The following NCAM1 variants were observed in gnomAD, a reference collection of about 807,000 sequenced individuals.
NCAM1 encodes the protein neural cell adhesion molecule 1, also known as antigen recognized by monoclonal antibody 5.1H11.
In NCAM1, 14 loss-of-function variants were observed where a neutral mutation model predicts 109.8. The observed-to-expected ratio is 0.13, with a 90% confidence interval of 0.08 to 0.20. The LOEUF (loss-of-function observed/expected upper bound fraction) is 0.20, where lower values mean the gene tolerates loss of function less well. Ranked by LOEUF, NCAM1 falls within the 10% of genes least tolerant of loss-of-function variation. The pLI is 1.00. For missense variants in NCAM1, 774 were observed against 1,109.9 expected (o/e 0.70, Z 4.30); for synonymous variants, 418 against 442.9 (o/e 0.94, Z 0.70).
chr11:113,232,878 A>G (rs1945051303), intron 12 of NCAM1, 64 bp downstream of exon 12: 2 of 1,389,088 alleles, frequency 1.4e-6, no homozygotes, highest in South Asian at 1.2e-5. Context: ...TGCCAGCCCA[A>G]TTTGTGTACT....
intron 1 of NCAM1, among the ~76,000 whole-genome samples, chr11:113,054,946 G>A (rs1033302008): frequency 6.6e-6 from 1 of 152,146 alleles, no homozygotes; most frequent in East Asian, 1.9e-4. Context: ...TGACCCCTGT[G>A]TCATTGGCCA....
chr11:113,146,648 C>T (rs1195048671), intron 1 of NCAM1, among the ~76,000 whole-genome samples: 2 of 152,174 alleles, frequency 1.3e-5, no homozygotes, highest in Non-Finnish European at 2.9e-5. Flanking sequence ...ATGGAATTTG[C>T]TTCTAGTGAA....
At chr11:112,969,491 G>A (rs1950819697) in intron 1 of NCAM1, among the ~76,000 whole-genome samples, 1 of 152,100 alleles carries the variant, frequency 6.6e-6, no homozygotes, top group Non-Finnish European at 1.5e-5. Flanking sequence ...GAGGAGTGAT[G>A]GGGAGGAAGG....
intron 1 of NCAM1, among the ~76,000 whole-genome samples, chr11:113,072,733 C>T (rs937228463): frequency 3.4e-5 from 5 of 145,490 alleles, no homozygotes; most frequent in African/African-American, 5.0e-5. Flanking sequence ...CTAGAGTCAT[C>T]TTTTTTTTTT....
At chr11:113,237,937 G>T (rs5009296) in intron 14 of NCAM1, among the ~76,000 whole-genome samples, 42 of 143,198 alleles carry the variant, frequency 2.9e-4, no homozygotes, top group South Asian at 8.7e-4. Flanking sequence ...TAGATATATA[G>T]ATATATATAT....
chr11:113,225,120 C>T (rs1260244822), intron 9 of NCAM1, among the ~76,000 whole-genome samples: 4 of 152,034 alleles, frequency 2.6e-5, no homozygotes, highest in Admixed American at 6.6e-5. Flanking sequence ...AGGCTTCAGA[C>T]GATCAAACTT....
At chr11:113,203,223 G>T (rs183960024) in intron 2 of NCAM1, among the ~76,000 whole-genome samples, 25 of 152,338 alleles carry the variant, frequency 1.6e-4, no homozygotes, top group Admixed American at 1.2e-3. Flanking sequence ...TGGCAGGGAG[G>T]GGCCTTTAAA....
At chr11:113,117,300 G>C (rs1472790862) in intron 1 of NCAM1, among the ~76,000 whole-genome samples, 1 of 151,874 alleles carries the variant, frequency 6.6e-6, no homozygotes, top group Admixed American at 6.6e-5. Flanking sequence ...TCCACTGCAG[G>C]GGTCTTCAGA....
intron 1 of NCAM1, among the ~76,000 whole-genome samples, chr11:113,024,200 CA>C (rs1952475006): frequency 6.6e-6 from 1 of 152,104 alleles, no homozygotes; most frequent in African/African-American, 2.4e-5. Context: ...GTGGCTGGGC[CA>C]AGGAGCAGTT....
At chr11:113,020,112 A>C (rs55718642) in intron 1 of NCAM1, among the ~76,000 whole-genome samples, 9,817 of 152,186 alleles carry the variant, frequency 0.065, 415 homozygotes, top group Middle Eastern at 0.17. Context: ...ATCCCAGTTC[A>C]CTTTAACCCC....
At chr11:113,256,116 G>A in intron 16 of NCAM1, 115 bp downstream of exon 16, 2 of 1,359,496 alleles carry the variant, frequency 1.5e-6, no homozygotes, top group Non-Finnish European at 2.0e-6. Flanking sequence ...CTTATTCTGT[G>A]TCTGGCAGGT....
At chr11:113,204,214 C>T in intron 2 of NCAM1, 72 bp from the exon 3 acceptor site, 4 of 1,259,226 alleles carry the variant, frequency 3.2e-6, no homozygotes, top group Non-Finnish European at 4.5e-6. Flanking sequence ...ACTGATCAGC[C>T]ACTGTCAGTC....
chr11:113,268,107 A>C (rs913996740), intron 17 of NCAM1, among the ~76,000 whole-genome samples: 1 of 152,162 alleles, frequency 6.6e-6, no homozygotes, highest in Non-Finnish European at 1.5e-5. Flanking sequence ...CCCAAGGCTA[A>C]AGTTTCTTCC....
chr11:113,271,108 G>A (rs929019908), intron 18 of NCAM1, among the ~76,000 whole-genome samples: 11 of 152,072 alleles, frequency 7.2e-5, no homozygotes, highest in African/African-American at 1.9e-4. Context: ...GGTGACTCAC[G>A]CCTGTAATCC....
intron 1 of NCAM1, among the ~76,000 whole-genome samples, chr11:113,174,981 A>T (rs1209869662): frequency 1.3e-5 from 2 of 152,226 alleles, no homozygotes; most frequent in Non-Finnish European, 1.5e-5. Flanking sequence ...GAATTTGTAC[A>T]CCAGCTAGGA....
chr11:113,097,607 T>A, intron 1 of NCAM1, among the ~76,000 whole-genome samples: 1 of 6,520 alleles, frequency 1.5e-4, no homozygotes, highest in African/African-American at 1.7e-3. Flanking sequence ...GACTTGGGCT[T>A]TTTTTTTTTT....
At chr11:113,067,204 CAA>C (rs1264137355) in intron 1 of NCAM1, among the ~76,000 whole-genome samples, 2 of 152,056 alleles carry the variant, frequency 1.3e-5, no homozygotes, top group Admixed American at 6.5e-5. Context: ...CAATAAATAG[CAA>C]AGAGTGATTC....
chr11:113,196,235 G>A (rs1254744461), intron 1 of NCAM1, among the ~76,000 whole-genome samples: 1 of 152,124 alleles, frequency 6.6e-6, no homozygotes, highest in Non-Finnish European at 1.5e-5. Context: ...AATCGCATTT[G>A]TTCGGTTTTT....
intron 1 of NCAM1, among the ~76,000 whole-genome samples, chr11:113,140,066 C>T (rs1480932236): frequency 6.6e-6 from 1 of 152,178 alleles, no homozygotes; most frequent in Non-Finnish European, 1.5e-5. Context: ...AAATTAGATG[C>T]CAGGCAATGT....
Sources: gnomAD v4.1 joint callset for allele counts (sites outside exome capture counted in the v4.1 genomes callset) on GRCh38, gnomAD v4.1.1 for gene constraint, MANE v1.5 for transcripts, NCBI Gene and HGNC (gene_info 2026-07-23, HGNC 2026-07-21) for gene names.